Variants in KCND1 observed in about 807,000 individuals in gnomAD.
The protein encoded by KCND1 is A-type voltage-gated potassium channel KCND1.
Under a neutral mutation model 31.8 loss-of-function variants are expected in KCND1, and 11 were observed. That is an observed-to-expected ratio of 0.35 (90% CI 0.22 to 0.57). KCND1 has a LOEUF of 0.57. Ranked by LOEUF, KCND1 falls within the 20% of genes least tolerant of loss-of-function variation. The probability of loss-of-function intolerance (pLI) is 0.85; values close to 1 mark genes in which losing one functional copy is unlikely to be tolerated. For synonymous variants in KCND1, 234 were observed against 248.1 expected (o/e 0.94, Z 0.53); for missense variants, 471 against 596.8 (o/e 0.79, Z 2.20).
chrX:48,964,529 T>G (rs2064340180), intron 5 of KCND1, among the ~76,000 whole-genome samples: 1 of 104,101 alleles, frequency 9.6e-6, no homozygotes, highest in Non-Finnish European at 2.0e-5. Flanking sequence ...AATAAATAAA[T>G]AAATAAAAAT....
chrX:48,967,150 C>T, intron 1 of KCND1, 44 bp from the exon 2 acceptor site: 2 of 1,125,659 alleles, frequency 1.8e-6, no homozygotes, highest in Middle Eastern at 2.6e-4. Context: ...AAGTGCCCAC[C>T]TACCTTTCAG....
intron 5 of KCND1, among the ~76,000 whole-genome samples, chrX:48,963,884 C>A (rs2064336929): frequency 8.9e-6 from 1 of 111,924 alleles, no homozygotes; most frequent in South Asian, 3.7e-4. Context: ...TACCAGTCTC[C>A]CCCAGCTCAC....
At chrX:48,964,377 C>T (rs1167874938) in intron 5 of KCND1, among the ~76,000 whole-genome samples, 3 of 110,436 alleles carry the variant, frequency 2.7e-5, no homozygotes, top group Non-Finnish European at 3.8e-5. Context: ...ATTAGCTGGG[C>T]GTGGTGGCGC....
chrX:48,970,664 T>G lies in KCND1; in HGVS notation c.-393A>C. 1 of 138,616 alleles carries G rather than the reference T, an allele frequency of 7.2e-6. No individual in the cohort carries two copies. Among genetic ancestry groups the G allele is most frequent in the Non-Finnish European group, 1.4e-5 (1 of 71,373 alleles). The allele number at this position is 138,616 out of a possible 1,213,427, so 11.4% of individuals were successfully genotyped here. On this transcript the variant is annotated 5_prime_UTR_variant, in exon 1 of 6. Transcript: ENST00000218176. The stretch of plus-strand genomic sequence containing the variant: ...GAGGGGCCAAGAAACACGTGGGGAA[T>G]TCTCTGCACTCTCAAGAGTCTCAGG...
intron 1 of KCND1, chrX:48,967,524 T>G: frequency 1.5e-5 from 2 of 135,051 alleles, no homozygotes; most frequent in Non-Finnish European, 1.5e-5. Context: ...CCCCTTTTCA[T>G]TCCCCTATAG....
At chrX:48,965,913 G>T in intron 5 of KCND1, 142 bp downstream of exon 5, 2 of 599,385 alleles carry the variant, frequency 3.3e-6, no homozygotes, top group Non-Finnish European at 5.1e-6. Flanking sequence ...ATGAGTTCCA[G>T]ACAAGATAAG....
chrX:48,967,292 C>T (rs1279080211), intron 1 of KCND1, 186 bp from the exon 2 acceptor site: 2 of 428,122 alleles, frequency 4.7e-6, no homozygotes, highest in Non-Finnish European at 8.1e-6. Context: ...TGGCCCTCAA[C>T]CCCTACCATC....
chrX:48,962,652 T>C lies in KCND1; in HGVS notation c.1873A>G (p.Ser625Gly). The change falls in exon 6 of 6, where the codon AGC becomes GGC. Residue 625 changes from serine to glycine, a missense_variant. Physicochemically the swap from Ser to Gly is moderately conservative, Grantham distance 56. Transcript: ENST00000218176. ...SSPGGGGRAG[S>G]TLRNSSLGTP... is the part of the protein sequence containing the mutation. Reference sequence around the variant, plus strand: ...CCCAGGCTGGAGTTCCTGAGGGTGCTGCCGGCCCTGCCACCGCCGCCAGGG... The same window carrying C: ...CCCAGGCTGGAGTTCCTGAGGGTGCCGCCGGCCCTGCCACCGCCGCCAGGG... 1.7e-6 allele frequency: 2 copies of C among 1,209,805 alleles called. No homozygotes were observed. The highest frequency in any genetic ancestry group is 3.0e-5 in the East Asian group (1 of 33,784).
rs919198008 is a variant in KCND1, at chrX:48,971,007, G to T, written c.-736C>A. On this transcript the variant is annotated 5_prime_UTR_variant, in exon 1 of 6. Transcript: ENST00000218176. ...GAGTTGCCAAGAATAGCCCGGGGGG[G>T]TGTCTATACTCTACAGGAGTTCTGG... 1.8e-5 allele frequency: 2 copies of T among 110,251 alleles called. No individual in the cohort carries two copies. Among genetic ancestry groups the T allele is most frequent in the African/African-American group, 3.3e-5 (1 of 30,186 alleles). The allele number at this position is 110,251 out of a possible 1,213,427, so 9.1% of individuals were successfully genotyped here.
In KCND1 at chrX:48,969,848, C is replaced by T. The variant is rs1557058628; in HGVS notation, c.424G>A (p.Glu142Lys). The change falls in exon 1 of 6, where the codon GAG becomes AAG. Residue 142 changes from glutamate (E) to lysine (K), a missense_variant. This residue lies in a region of KCND1 where 212 missense variants were observed against 257.9 expected (regional missense o/e 0.82). Coordinates refer to ENST00000218176, the MANE Select transcript of KCND1 (RefSeq NM_004979.6). The stretch of plus-strand genomic sequence containing the variant: ...TCCTCTGCCAGGCGCTCGGCATTCT[C>T]CTTCTTTCGGTCCCGATACTCTTCA... The part of the protein sequence containing the change: ...CLEEYRDRKK[E>K]NAERLAEDEE... 8.3e-7 allele frequency: 1 copy of T among 1,211,106 alleles called. No individual in the cohort carries two copies. The highest frequency in any genetic ancestry group is 2.2e-5 in the Admixed American group (1 of 46,070).
intron 5 of KCND1, among the ~76,000 whole-genome samples, chrX:48,963,602 T>C (rs1409645873): frequency 9.0e-6 from 1 of 110,918 alleles, no homozygotes; most frequent in East Asian, 2.8e-4. Flanking sequence ...TAGTCCTGGG[T>C]TCAAATCCTG....
chrX:48,971,101 CA>C lies in KCND1; in HGVS notation c.-831del, dbSNP rs1262772991. ...GGAAGGGGTTATCTAAAGGGGTAGA[CA>C]GGGGGCTGGGTTATTTTTTGAGAGG... is the stretch of plus-strand genomic sequence containing the variant. On this transcript the variant is annotated 5_prime_UTR_variant, in exon 1 of 6. It removes the in-frame stop codon of an upstream open reading frame in the 5' UTR. Coordinates refer to ENST00000218176, the MANE Select transcript of KCND1 (RefSeq NM_004979.6). 1.9e-5 allele frequency: 2 copies of C among 106,240 alleles called. No homozygotes were observed. Among genetic ancestry groups the C allele is most frequent in the Non-Finnish European group, 3.9e-5 (2 of 51,654 alleles). 8.8% of individuals were successfully genotyped at this position (106,240 alleles called of 1,213,427 possible).
chrX:48,969,743 CG>C lies in KCND1; in HGVS notation c.528del (p.Phe176LeufsTer16). The C allele has an allele frequency of 8.3e-7, 1 of 1,207,492 alleles. No homozygotes were observed. The highest frequency in any genetic ancestry group is 1.1e-6 in the Non-Finnish European group (1 of 893,879). On this transcript the variant is annotated frameshift_variant, in exon 1 of 6. Transcript: ENST00000218176. LOFTEE classifies it high-confidence loss of function. Reference protein sequence around the residue: ...SSLRQRLWRAFENPHTSTAAL... With the variant: ...SSLRQRLWRAXENPHTSTAAL... ...GCTGCGGTGCTCGTGTGTGGATTCT[CG>C]AAGGCCCGCCAGAGCCGCTGCCGCA...
Position 48,970,260 on chromosome X carries a change from G to C in KCND1, c.12C>G (p.Gly4=). Residue 4 remains glycine (G), a synonymous_variant, in exon 1 of 6, where the codon GGC becomes GGG. Coordinates refer to ENST00000218176, the MANE Select transcript of KCND1 (RefSeq NM_004979.6). MAA[G]LATWLPFARA... is the part of the protein sequence containing the mutation. Reference sequence around the variant, plus strand: ...GAGCAAAAGGCAGCCACGTGGCCAGGCCTGCCGCCATCGTGCCACTCCCCA... The same window carrying C: ...GAGCAAAAGGCAGCCACGTGGCCAGCCCTGCCGCCATCGTGCCACTCCCCA... 5.9e-6 allele frequency: 7 copies of C among 1,195,803 alleles called. No individual in the cohort carries two copies. Among genetic ancestry groups the C allele is most frequent in the Non-Finnish European group, 5.6e-6 (5 of 888,438 alleles).
Position 48,962,465 on chromosome X carries a change from C to T in KCND1, c.*116G>A. ...TCATGAAACTCCATTGCATAGTTCTCAGTGGGGGGGGCAGAAGGGGTGCCC... is the reference window on the plus strand; with the variant it reads ...TCATGAAACTCCATTGCATAGTTCTTAGTGGGGGGGGCAGAAGGGGTGCCC... On this transcript the variant is annotated 3_prime_UTR_variant, in exon 6 of 6. Transcript: ENST00000218176. The T allele has an allele frequency of 2.0e-6, 1 of 503,681 alleles. No individual in the cohort carries two copies. Among genetic ancestry groups the T allele is most frequent in the Admixed American group, 3.7e-5 (1 of 27,328 alleles). The allele number at this position is 503,681 out of a possible 1,213,427, so 41.5% of individuals were successfully genotyped here.
At position 48,966,080 on chromosome X, in the gene KCND1, G is replaced by A; in HGVS notation, c.1693C>T (p.Leu565=). The part of the protein sequence containing the change: ...SMQELDMLAG[L]RRSHAPQSRS... ...CTCTGAGGGGCATGGCTCCTGCGCA[G>A]CCCTGCCAGCATGTCCAGCTCCTGC... The change falls in exon 5 of 6, where the codon CTG becomes TTG. Residue 565 remains leucine (L), a synonymous_variant. Transcript: ENST00000218176. 2.5e-6 allele frequency: 3 copies of A among 1,210,243 alleles called. No individual in the cohort carries two copies. Among genetic ancestry groups the A allele is most frequent in the Non-Finnish European group, 3.4e-6 (3 of 895,302 alleles).
rs782501495 is a variant in KCND1, at chrX:48,966,758, C to A, written c.1368+3G>T. 4 of 1,204,093 alleles carry A rather than the reference C, an allele frequency of 3.3e-6. No homozygotes were observed. The highest frequency in any genetic ancestry group is 4.5e-6 in the Non-Finnish European group (4 of 893,285). On this transcript the variant is annotated splice_donor_region_variant and intron_variant, in intron 3 of 5. Coordinates refer to ENST00000218176, the MANE Select transcript of KCND1 (RefSeq NM_004979.6). Reference sequence around the variant, plus strand: ...CCCCAACCCTATCCAGGCCCCGACCCACCTCAAGGCCCCCATTCTGCTTGT... The same window carrying A: ...CCCCAACCCTATCCAGGCCCCGACCAACCTCAAGGCCCCCATTCTGCTTGT...
At chrX:48,965,390 C>T (rs1281101659) in intron 5 of KCND1, among the ~76,000 whole-genome samples, 1 of 111,372 alleles carries the variant, frequency 9.0e-6, no homozygotes, top group African/African-American at 3.3e-5. Context: ...ACTGACTTTT[C>T]TCCTTGGTGT....
Position 48,970,460 on chromosome X carries a change from C to A in KCND1, c.-189G>T, listed in dbSNP as rs1383026261. ...TGGGAAGGAGTCTGGGGGACATTTA[C>A]AGAACCTAGGAGGGGCCTGGGCAAT... On this transcript the variant is annotated 5_prime_UTR_variant, in exon 1 of 6. Coordinates refer to ENST00000218176, the MANE Select transcript of KCND1 (RefSeq NM_004979.6). 1.9e-5 allele frequency: 8 copies of A among 428,088 alleles called. No individual in the cohort carries two copies. Among genetic ancestry groups the A allele is most frequent in the Non-Finnish European group, 2.8e-5 (7 of 252,900 alleles). 35.3% of individuals were successfully genotyped at this position (428,088 alleles called of 1,213,427 possible).
Sources: allele counts gnomAD v4.1 joint callset (sites outside exome capture counted in the v4.1 genomes callset), GRCh38; gene constraint gnomAD v4.1.1; regional missense constraint gnomAD v4.1.1; transcripts MANE v1.5; gene names NCBI Gene and HGNC (gene_info 2026-07-23, HGNC 2026-07-21).